The following THSD7A variants were observed in gnomAD, a reference collection of about 807,000 sequenced individuals.
THSD7A encodes thrombospondin type 1 domain containing 7A, also known as thrombospondin type-1 domain-containing protein 7A.
A neutral mutation model predicts 231.3 loss-of-function variants in THSD7A; 96 were observed. The ratio of observed to expected loss-of-function variants is 0.41; its 90% confidence interval spans 0.35 to 0.49. THSD7A has a LOEUF of 0.49. Ranked by LOEUF, THSD7A falls within the 20% of genes least tolerant of loss-of-function variation. The pLI, the probability that THSD7A is intolerant of heterozygous loss-of-function variation, is 0.05. For synonymous variants in THSD7A, 940 were observed against 743.3 expected, an observed-to-expected ratio of 1.26 and a Z score of -4.30; for missense variants, 2,290 against 2,070.2, an observed-to-expected ratio of 1.11 and a Z score of -2.06.
At chr7:11,574,669 C>T (rs553333267) in intron 4 of THSD7A, among the ~76,000 whole-genome samples, 9 of 151,698 alleles carry the variant, frequency 5.9e-5, no homozygotes, top group Non-Finnish European at 1.3e-4. Context: ...ATCTCCTGAC[C>T]TCGTGATCCG....
At chr7:11,505,919 A>T (rs556409856) in intron 6 of THSD7A, among the ~76,000 whole-genome samples, 1 of 152,114 alleles carries the variant, frequency 6.6e-6, no homozygotes, top group Admixed American at 6.5e-5. Context: ...GACTTGCGGG[A>T]TGGGGAATCT....
chr7:11,736,502 C>A (rs865926558), intron 1 of THSD7A, among the ~76,000 whole-genome samples: 1 of 149,072 alleles, frequency 6.7e-6, no homozygotes, highest in Admixed American at 6.6e-5. Flanking sequence ...ATAATATTTT[C>A]AAGACAGGTA....
chr7:11,790,622 A>G (rs1489682523), intron 1 of THSD7A, among the ~76,000 whole-genome samples: 1 of 152,014 alleles, frequency 6.6e-6, no homozygotes, highest in African/African-American at 2.4e-5. Context: ...GCTGAAGAAC[A>G]TCAGCCTAAT....
chr7:11,478,476 A>G (rs991027763), intron 7 of THSD7A, among the ~76,000 whole-genome samples: 5 of 152,082 alleles, frequency 3.3e-5, no homozygotes, highest in Admixed American at 3.3e-4. Context: ...TAGATCACCA[A>G]CAGACCTCCT....
At chr7:11,788,188 T>C (rs1783847547) in intron 1 of THSD7A, among the ~76,000 whole-genome samples, 1 of 152,122 alleles carries the variant, frequency 6.6e-6, no homozygotes, top group Middle Eastern at 3.2e-3. Context: ...GTCATTAATA[T>C]CTCTTGCCTG....
intron 4 of THSD7A, among the ~76,000 whole-genome samples, chr7:11,588,859 A>G (rs1446122285): frequency 6.6e-6 from 1 of 152,228 alleles, no homozygotes; most frequent in Non-Finnish European, 1.5e-5. Flanking sequence ...TACATGTTTT[A>G]TGTTACTTCC....
intron 1 of THSD7A, among the ~76,000 whole-genome samples, chr7:11,753,517 C>T (rs1782573448): frequency 6.6e-6 from 1 of 150,944 alleles, no homozygotes; most frequent in Non-Finnish European, 1.5e-5. Flanking sequence ...CACTATGGGT[C>T]CCAACACTGC....
At chr7:11,778,718 C>T (rs144956469) in intron 1 of THSD7A, among the ~76,000 whole-genome samples, 307 of 152,208 alleles carry the variant, frequency 2.0e-3, no homozygotes, top group African/African-American at 7.0e-3. Context: ...CTATAATTTT[C>T]AGAAACTATT....
At chr7:11,440,411 T>C (rs1368844776) in intron 13 of THSD7A, among the ~76,000 whole-genome samples, 2 of 151,972 alleles carry the variant, frequency 1.3e-5, no homozygotes, top group African/African-American at 4.8e-5. Flanking sequence ...AAGAAATGCA[T>C]TTTGTAAGAC....
intron 1 of THSD7A, among the ~76,000 whole-genome samples, chr7:11,762,468 A>G (rs2128168621): frequency 6.6e-6 from 1 of 152,198 alleles, no homozygotes; most frequent in South Asian, 2.1e-4. Context: ...TTTAATTTGC[A>G]TTTATCTGCT....
intron 13 of THSD7A, among the ~76,000 whole-genome samples, chr7:11,432,813 T>A (rs935344995): frequency 6.6e-6 from 1 of 152,022 alleles, no homozygotes; most frequent in South Asian, 2.1e-4. Flanking sequence ...TGTATGTATT[T>A]CTGTTTGGTG....
chr7:11,779,014 T>G (rs1783537831), intron 1 of THSD7A, among the ~76,000 whole-genome samples: 1 of 152,110 alleles, frequency 6.6e-6, no homozygotes, highest in African/African-American at 2.4e-5. Flanking sequence ...ATCATTAACT[T>G]TTTCACCTAG....
At chr7:11,711,562 T>A (rs1780966775) in intron 1 of THSD7A, among the ~76,000 whole-genome samples, 1 of 151,106 alleles carries the variant, frequency 6.6e-6, no homozygotes, top group Non-Finnish European at 1.5e-5. Context: ...TGGCATCAGC[T>A]ATCAGATAAA....
chr7:11,554,152 C>A (rs1431337853), intron 4 of THSD7A, among the ~76,000 whole-genome samples: 1 of 151,914 alleles, frequency 6.6e-6, no homozygotes, highest in African/African-American at 2.4e-5. Flanking sequence ...TTCCTGCAAA[C>A]TTAATGTCTA....
intron 2 of THSD7A, among the ~76,000 whole-genome samples, chr7:11,604,100 A>T (rs1036287144): frequency 6.6e-6 from 1 of 152,146 alleles, no homozygotes; most frequent in Admixed American, 6.6e-5. Flanking sequence ...AACATATATT[A>T]GTGCTTACTA....
intron 13 of THSD7A, among the ~76,000 whole-genome samples, chr7:11,437,298 C>T (rs1334723615): frequency 1.3e-5 from 2 of 152,106 alleles, no homozygotes; most frequent in Non-Finnish European, 2.9e-5. Flanking sequence ...CCCTCATCAC[C>T]TCCTCTGTGC....
At chr7:11,790,653 T>C (rs931938570) in intron 1 of THSD7A, among the ~76,000 whole-genome samples, 2 of 151,868 alleles carry the variant, frequency 1.3e-5, no homozygotes, top group Non-Finnish European at 2.9e-5. Context: ...ACATGATGTG[T>C]TTAGCAGTCT....
intron 2 of THSD7A, among the ~76,000 whole-genome samples, chr7:11,614,268 A>T (rs1781031784): frequency 6.6e-6 from 1 of 152,178 alleles, no homozygotes; most frequent in Admixed American, 6.5e-5. Flanking sequence ...TTAGTTCATA[A>T]ATGGTGAGCG....
chr7:11,547,154 G>C (rs1789434556), intron 4 of THSD7A, among the ~76,000 whole-genome samples: 4 of 152,284 alleles, frequency 2.6e-5, no homozygotes, highest in South Asian at 2.1e-4. Context: ...CCTTAAGGGA[G>C]TGCTAAACAT....
Sources: allele counts gnomAD v4.1 joint callset (sites outside exome capture counted in the v4.1 genomes callset), GRCh38; gene constraint gnomAD v4.1.1; transcripts MANE v1.5; gene names NCBI Gene and HGNC (gene_info 2026-07-23, HGNC 2026-07-21).